WDFY2: variants seen among roughly 807,000 people sequenced by gnomAD.
WDFY2 encodes the protein WD repeat and FYVE domain-containing protein 2.
A neutral mutation model predicts 56.4 loss-of-function variants in WDFY2; 36 were observed. The observed-to-expected ratio is 0.64, with a 90% CI of 0.49 to 0.84. The LOEUF (loss-of-function observed/expected upper bound fraction) is 0.84, where lower values mean the gene tolerates loss of function less well. Among genes scored for constraint, WDFY2 ranks in the 40% least tolerant of loss-of-function variants. The probability of loss-of-function intolerance (pLI) is 0.00; values close to 1 mark genes in which losing one functional copy is unlikely to be tolerated. For missense variants in WDFY2, 444 were observed against 512.2 expected, an observed-to-expected ratio of 0.87 and a Z score of 1.29; for synonymous variants, 176 against 183.7, an observed-to-expected ratio of 0.96 and a Z score of 0.34.
At chr13:51,727,589 C>T (rs746825522) in intron 5 of WDFY2, 89 bp from the exon 6 acceptor site, 118 of 1,223,088 alleles carry the variant, frequency 9.6e-5, no homozygotes, top group Non-Finnish European at 1.3e-4. Context: ...ATGGGATTTG[C>T]GTATTTCTTG....
intron 2 of WDFY2, among the ~76,000 whole-genome samples, chr13:51,667,490 A>T (rs1459751946): frequency 6.6e-6 from 1 of 152,114 alleles, no homozygotes; most frequent in Non-Finnish European, 1.5e-5. Flanking sequence ...GAGTTGGGGG[A>T]AAAGTTCATG....
intron 3 of WDFY2, among the ~76,000 whole-genome samples, chr13:51,683,631 A>G (rs1956013517): frequency 6.6e-6 from 1 of 152,176 alleles, no homozygotes; most frequent in Admixed American, 6.5e-5. Context: ...AAAGCTTGGG[A>G]ACTCACAAGA....
intron 3 of WDFY2, among the ~76,000 whole-genome samples, chr13:51,693,614 A>G (rs905133942): frequency 3.9e-5 from 6 of 151,976 alleles, no homozygotes; most frequent in South Asian, 2.1e-4. Flanking sequence ...TATGTGGTCA[A>G]TTTTGGAATA....
intron 5 of WDFY2, among the ~76,000 whole-genome samples, chr13:51,721,885 G>T (rs1952498480): frequency 6.6e-6 from 1 of 152,046 alleles, no homozygotes. Context: ...GTTTTTTCTG[G>T]GAGCTGGCTG....
In WDFY2 at chr13:51,660,621, GAC is replaced by G. The variant is rs772479007; in HGVS notation, c.165_166del (p.Asp55GlufsTer22). The G allele has an allele frequency of 6.2e-7, 1 of 1,613,994 alleles. No homozygotes were observed. The highest frequency in any genetic ancestry group is 1.3e-5 in the African/African-American group (1 of 75,024). On this transcript the variant is annotated frameshift_variant, in exon 2 of 12. Coordinates refer to ENST00000298125, the MANE Select transcript of WDFY2 (RefSeq NM_052950.4). LOFTEE classifies it high-confidence loss of function. ...DRTVRVWLKR[D>X]SGQYWPSVYH... ...GACAGTTCGTGTTTGGTTAAAGAGA[GAC>G]AGTGGACAGTATTGGCCAAGCGTAT...
chr13:51,712,239 T>C (rs1952237185), intron 4 of WDFY2, among the ~76,000 whole-genome samples: 1 of 152,086 alleles, frequency 6.6e-6, no homozygotes, highest in Admixed American at 6.5e-5. Context: ...TAGGTGGGAA[T>C]TGAACAATGA....
intron 1 of WDFY2, among the ~76,000 whole-genome samples, chr13:51,636,867 G>A (rs989230868): frequency 6.6e-6 from 1 of 152,198 alleles, no homozygotes; most frequent in Non-Finnish European, 1.5e-5. Context: ...AACAAATGGT[G>A]CTGGAACAAT....
At chr13:51,690,842 C>A (rs1461151305) in intron 3 of WDFY2, among the ~76,000 whole-genome samples, 1 of 152,264 alleles carries the variant, frequency 6.6e-6, no homozygotes, top group South Asian at 2.1e-4. Flanking sequence ...TTACTCCACA[C>A]CCTCTCCAGC....
chr13:51,629,860 A>T (rs1337069636), intron 1 of WDFY2, among the ~76,000 whole-genome samples: 1 of 126,518 alleles, frequency 7.9e-6, no homozygotes, highest in African/African-American at 3.0e-5. Context: ...GATGTATTAC[A>T]TCTGAAAAAT....
intron 6 of WDFY2, among the ~76,000 whole-genome samples, chr13:51,735,609 T>C (rs1183598840): frequency 6.6e-6 from 1 of 152,244 alleles, no homozygotes; most frequent in Admixed American, 6.5e-5. Flanking sequence ...CTTATCATTG[T>C]ACATTTTTGG....
chr13:51,709,921 C>T (rs1244108600), intron 4 of WDFY2, among the ~76,000 whole-genome samples: 1 of 152,144 alleles, frequency 6.6e-6, no homozygotes, highest in African/African-American at 2.4e-5. Context: ...GGGAATCCTC[C>T]CCAATTCATT....
chr13:51,691,470 T>C (rs1266124307), intron 3 of WDFY2, among the ~76,000 whole-genome samples: 1 of 150,798 alleles, frequency 6.6e-6, no homozygotes, highest in Non-Finnish European at 1.5e-5. Context: ...TCCCCATTGC[T>C]TGTTTTTCTC....
intron 2 of WDFY2, among the ~76,000 whole-genome samples, chr13:51,667,980 C>T (rs1033129489): frequency 7.0e-6 from 1 of 143,334 alleles, no homozygotes; most frequent in African/African-American, 2.6e-5. Flanking sequence ...CAAGCTCTGC[C>T]TCCAGGGTTC....
intron 7 of WDFY2, among the ~76,000 whole-genome samples, chr13:51,739,507 G>T (rs1593466571): frequency 6.6e-6 from 1 of 152,108 alleles, no homozygotes; most frequent in African/African-American, 2.4e-5. Flanking sequence ...AATACAAGCT[G>T]TGAAGGCTTA....
At chr13:51,704,809 A>T (rs995966702) in intron 4 of WDFY2, among the ~76,000 whole-genome samples, 13 of 152,178 alleles carry the variant, frequency 8.5e-5, no homozygotes, top group South Asian at 2.1e-4. Context: ...ACTTAAAAAA[A>T]TTTTTTTAAT....
chr13:51,606,895 T>A (rs970667328), intron 1 of WDFY2, among the ~76,000 whole-genome samples: 1 of 152,226 alleles, frequency 6.6e-6, no homozygotes, highest in Non-Finnish European at 1.5e-5. Flanking sequence ...TCTCATTGAA[T>A]GGACAAGATA....
chr13:51,670,868 C>T (rs1955795765), intron 2 of WDFY2, among the ~76,000 whole-genome samples: 1 of 152,084 alleles, frequency 6.6e-6, no homozygotes, highest in South Asian at 2.1e-4. Context: ...ATCCCTCACC[C>T]CACTTGCCCA....
intron 3 of WDFY2, among the ~76,000 whole-genome samples, chr13:51,701,127 G>A (rs1049154250): frequency 3.9e-5 from 6 of 152,168 alleles, no homozygotes; most frequent in Non-Finnish European, 7.4e-5. Context: ...ACAACTGTAC[G>A]TTCCATAATA....
chr13:51,755,103 A>G (rs1953337001), intron 8 of WDFY2, among the ~76,000 whole-genome samples: 2 of 152,116 alleles, frequency 1.3e-5, no homozygotes, highest in South Asian at 4.1e-4. Flanking sequence ...GGGCCTTCAC[A>G]CACTTATGCT....
Sources: allele counts gnomAD v4.1 joint callset (sites outside exome capture counted in the v4.1 genomes callset), GRCh38; gene constraint gnomAD v4.1.1; transcripts MANE v1.5; gene names NCBI Gene and HGNC (gene_info 2026-07-23, HGNC 2026-07-21).